The following IFT56 variants were observed in gnomAD, a reference collection of about 807,000 sequenced individuals.
IFT56 encodes the protein intraflagellar transport protein 56.
chr7:139,166,998 G>C, the IFT56 span: 11 of 671,600 alleles, frequency 1.6e-5, no homozygotes, highest in Non-Finnish European at 2.9e-5. Context: ...GCAGACTCCT[G>C]CCTGTAGAAT....
chr7:139,165,053 T>C, the IFT56 span: 8,218 of 1,126,522 alleles, frequency 7.3e-3, 272 homozygotes, highest in East Asian at 0.092. Flanking sequence ...CCCAGTTATA[T>C]ATGCCAGCTC....
chr7:139,158,354 G>C, the IFT56 span, among the ~76,000 whole-genome samples: 2 of 145,202 alleles, frequency 1.4e-5, no homozygotes, highest in South Asian at 4.4e-4. Flanking sequence ...AAATATCCTT[G>C]TAAGGTTTTT....
chr7:139,179,364 C>A, the IFT56 span, among the ~76,000 whole-genome samples: 1 of 152,198 alleles, frequency 6.6e-6, no homozygotes, highest in Admixed American at 6.5e-5. Context: ...TCTTCTATAT[C>A]CTTACCAACT....
At chr7:139,163,878 G>A in the IFT56 span, among the ~76,000 whole-genome samples, 3 of 152,188 alleles carry the variant, frequency 2.0e-5, no homozygotes, top group Non-Finnish European at 4.4e-5. Flanking sequence ...TTTCGGGGTC[G>A]AGAGAAGAGA....
chr7:139,185,196 G>A, the IFT56 span, among the ~76,000 whole-genome samples: 9 of 141,986 alleles, frequency 6.3e-5, 1 homozygote, highest in South Asian at 2.0e-3. Flanking sequence ...GCAAGACCTT[G>A]TGTCCAAAAA....
At chr7:139,148,348 T>C in the IFT56 span, 1 of 1,613,092 alleles carries the variant, frequency 6.2e-7, no homozygotes, top group Non-Finnish European at 8.5e-7. Context: ...CTGTAACCAT[T>C]TTCGCCTTTA....
the IFT56 span, among the ~76,000 whole-genome samples, chr7:139,186,724 A>C: frequency 6.6e-6 from 1 of 152,174 alleles, no homozygotes; most frequent in Non-Finnish European, 1.5e-5. Context: ...TACTGAAGAG[A>C]CTTGAAAAAT....
chr7:139,150,769 G>A, the IFT56 span, among the ~76,000 whole-genome samples: 1,005 of 152,276 alleles, frequency 6.6e-3, 14 homozygotes, highest in African/African-American at 0.024. Flanking sequence ...AAGTAAACAG[G>A]AAATAATTTG....
the IFT56 span, among the ~76,000 whole-genome samples, chr7:139,185,155 T>C: frequency 6.6e-6 from 1 of 151,906 alleles, no homozygotes; most frequent in Non-Finnish European, 1.5e-5. Flanking sequence ...GAGCTGTGAT[T>C]GCCTTATTGC....
chr7:139,142,031 A>C, the IFT56 span, among the ~76,000 whole-genome samples: 1 of 152,232 alleles, frequency 6.6e-6, no homozygotes, highest in Non-Finnish European at 1.5e-5. Flanking sequence ...CAGGTAGAAC[A>C]AGCAGTGGAG....
At chr7:139,184,824 G>T in the IFT56 span, among the ~76,000 whole-genome samples, 2 of 152,000 alleles carry the variant, frequency 1.3e-5, no homozygotes, top group South Asian at 2.1e-4. Context: ...GGAGGCTGAG[G>T]CGGGCGGATC....
the IFT56 span, among the ~76,000 whole-genome samples, chr7:139,147,638 T>G: frequency 6.6e-6 from 1 of 152,204 alleles, no homozygotes; most frequent in Non-Finnish European, 1.5e-5. Flanking sequence ...AGAACCAATT[T>G]TTCCCCTTTG....
At chr7:139,150,968 A>T in the IFT56 span, among the ~76,000 whole-genome samples, 1 of 152,240 alleles carries the variant, frequency 6.6e-6, no homozygotes, top group Non-Finnish European at 1.5e-5. Context: ...TTGCCTAATT[A>T]TCTTCAATCT....
chr7:139,163,110 C>T, the IFT56 span, among the ~76,000 whole-genome samples: 6 of 151,832 alleles, frequency 4.0e-5, no homozygotes, highest in South Asian at 8.3e-4. Flanking sequence ...TTTGGGAGGC[C>T]GAGGTGGGCG....
At chr7:139,160,000 G>A in the IFT56 span, among the ~76,000 whole-genome samples, 4 of 152,074 alleles carry the variant, frequency 2.6e-5, no homozygotes, top group Non-Finnish European at 5.9e-5. Context: ...AAAATTATTT[G>A]AGATCATTTA....
the IFT56 span, among the ~76,000 whole-genome samples, chr7:139,141,256 GA>G: frequency 0.054 from 6,925 of 127,712 alleles, 571 homozygotes; most frequent in African/African-American, 0.17. Flanking sequence ...ACAAGACTCT[GA>G]AAAAAAAAAA....
At chr7:139,158,779 T>G in the IFT56 span, among the ~76,000 whole-genome samples, 1 of 151,902 alleles carries the variant, frequency 6.6e-6, no homozygotes, top group Non-Finnish European at 1.5e-5. Flanking sequence ...CCTGGTGTGG[T>G]GGCGTGTAGT....
At chr7:139,191,738 G>A in the IFT56 span, 1 of 152,148 alleles carries the variant, frequency 6.6e-6, no homozygotes, top group Non-Finnish European at 1.5e-5. Context: ...TGTCTTAACA[G>A]AGTTTCAAGA....
At chr7:139,179,944 T>C in the IFT56 span, among the ~76,000 whole-genome samples, 3 of 152,170 alleles carry the variant, frequency 2.0e-5, no homozygotes, top group African/African-American at 7.2e-5. Context: ...CAGTTTATAG[T>C]GTTGTTTATG....
Sources: allele counts gnomAD v4.1 joint callset (sites outside exome capture counted in the v4.1 genomes callset), GRCh38; gene constraint gnomAD v4.1.1; transcripts MANE v1.5; gene names NCBI Gene and HGNC (gene_info 2026-07-23, HGNC 2026-07-21).